Variants in FIG4 observed in about 807,000 individuals in gnomAD.
FIG4 encodes FIG4 phosphoinositide 5-phosphatase, also known as polyphosphoinositide phosphatase.
In FIG4, 112 loss-of-function variants were observed where a neutral mutation model predicts 118.6. The ratio of observed to expected loss-of-function variants is 0.94; its 90% CI spans 0.81 to 1.11. The LOEUF (loss-of-function observed/expected upper bound fraction) is 1.11. Among genes scored for constraint, FIG4 ranks in the 50% least tolerant of loss-of-function variants. The probability of loss-of-function intolerance (pLI) is 0.00; values close to 1 mark genes in which losing one functional copy is unlikely to be tolerated. For synonymous variants in FIG4, 369 were observed against 381.2 expected, an observed-to-expected ratio of 0.97 and a Z score of 0.37; for missense variants, 969 against 1,111.7, an observed-to-expected ratio of 0.87 and a Z score of 1.83.
At chr6:109,738,568 GA>G in intron 7 of FIG4, 115 bp downstream of exon 7, 1 of 968,988 alleles carries the variant, frequency 1.0e-6, no homozygotes, top group Non-Finnish European at 1.6e-6. Context: ...ACCCCAACAG[GA>G]AAACCTGCCC....
intron 16 of FIG4, among the ~76,000 whole-genome samples, chr6:109,781,273 A>C (rs1440542295): frequency 6.6e-6 from 1 of 152,202 alleles, no homozygotes; most frequent in African/African-American, 2.4e-5. Flanking sequence ...AATCTTTTAA[A>C]TATTTGAAGT....
At chr6:109,780,420 C>T (rs1390653485) in intron 16 of FIG4, among the ~76,000 whole-genome samples, 2 of 152,118 alleles carry the variant, frequency 1.3e-5, no homozygotes, top group Non-Finnish European at 2.9e-5. Flanking sequence ...GTCATGTTGC[C>T]CAGGCTGGCC....
intron 10 of FIG4, among the ~76,000 whole-genome samples, chr6:109,753,427 C>A (rs1776776006): frequency 6.6e-6 from 1 of 151,728 alleles, no homozygotes; most frequent in South Asian, 2.1e-4. Flanking sequence ...GTGATGCGGG[C>A]TCTTTTTTGG....
At chr6:109,769,008 A>G (rs776366168) in intron 15 of FIG4, among the ~76,000 whole-genome samples, 42 of 152,020 alleles carry the variant, frequency 2.8e-4, no homozygotes, top group Non-Finnish European at 4.1e-4. Context: ...CTCAGGGTGT[A>G]TATCACCATG....
chr6:109,786,476 A>G, intron 18 of FIG4, 27 bp downstream of exon 18: 1 of 1,611,932 alleles, frequency 6.2e-7, no homozygotes, highest in Non-Finnish European at 8.5e-7. Flanking sequence ...CTGATACCAT[A>G]AGTATTTGAG....
intron 15 of FIG4, among the ~76,000 whole-genome samples, 174 bp from the exon 16 acceptor site, chr6:109,776,748 T>C (rs1777629047): frequency 1.3e-5 from 2 of 152,174 alleles, no homozygotes; most frequent in Admixed American, 1.3e-4. Context: ...GAAGCAAGAT[T>C]TTAATTCTGC....
intron 1 of FIG4, among the ~76,000 whole-genome samples, chr6:109,704,130 C>T (rs1774985200): frequency 6.6e-6 from 1 of 152,234 alleles, no homozygotes; most frequent in East Asian, 1.9e-4. Context: ...CTTCTCCAGT[C>T]ATCTCGACAT....
At chr6:109,698,054 A>C (rs898257099) in intron 1 of FIG4, among the ~76,000 whole-genome samples, 3 of 151,774 alleles carry the variant, frequency 2.0e-5, no homozygotes, top group Non-Finnish European at 2.9e-5. Context: ...ACATCTGGCT[A>C]ATTTTTTGTA....
At chr6:109,808,350 CAAAAAAAA>C (rs55948419) in intron 22 of FIG4, among the ~76,000 whole-genome samples, 21 of 67,048 alleles carry the variant, frequency 3.1e-4, no homozygotes, top group African/African-American at 1.2e-3. Flanking sequence ...ACACTCACAG[CAAAAAAAA>C]AAAAAAAAAA....
At chr6:109,748,642 A>C (rs547282867) in intron 10 of FIG4, among the ~76,000 whole-genome samples, 42 of 152,310 alleles carry the variant, frequency 2.8e-4, no homozygotes, top group African/African-American at 9.1e-4. Context: ...TGATAAAAAC[A>C]TACCTGAGCC....
rs1466520132 is a variant in FIG4, at chr6:109,817,881, G to A, written c.2547-7207G>A. Reference sequence around the variant, plus strand: ...GTTGGCCAGGGTTCAGCTGCAGAAAGCATAATCTGCTCTAGGTAAATTAAA... The same window carrying A: ...GTTGGCCAGGGTTCAGCTGCAGAAAACATAATCTGCTCTAGGTAAATTAAA... On this transcript the variant is annotated intron_variant, in intron 22 of 22. Transcript: ENST00000230124. Among the ~76,000 whole-genome samples, 3 of 152,218 alleles carry A rather than the reference G, an allele frequency of 2.0e-5. No individual in the cohort carries two copies. The East Asian group carries it at 5.8e-4, about 29-fold the overall frequency.
chr6:109,732,561 A>C, intron 4 of FIG4, 76 bp from the exon 5 acceptor site: 1 of 779,598 alleles, frequency 1.3e-6, no homozygotes, highest in Non-Finnish European at 2.2e-6. Context: ...ATATAAATGT[A>C]CATATGGGTA....
At chr6:109,797,955 G>A (rs985472403) in intron 22 of FIG4, among the ~76,000 whole-genome samples, 2 of 151,148 alleles carry the variant, frequency 1.3e-5, no homozygotes, top group African/African-American at 2.4e-5. Context: ...TATATGTGAG[G>A]CATCTAGATC....
intron 10 of FIG4, among the ~76,000 whole-genome samples, chr6:109,750,979 T>TAGAACAGTTCTTAATTAAG (rs1776677331): frequency 6.6e-6 from 1 of 152,244 alleles, no homozygotes; most frequent in African/African-American, 2.4e-5. Flanking sequence ...TAAACTGATT[T>TAGAACAGTTCTTAATTAAG]AACACTGTTC....
Position 109,735,131 on chromosome 6 carries a change from G to A in FIG4, c.498-19G>A. On this transcript the variant is annotated intron_variant, in intron 5 of 22. Coordinates refer to ENST00000230124, the MANE Select transcript of FIG4 (RefSeq NM_014845.6). ...GCTTTGCTTTTGTAATTCTTATTAA[G>A]TTTCAATTCTGTTCTCAGTTACAGC... 1 of 1,608,146 alleles carries A rather than the reference G, an allele frequency of 6.2e-7. No individual in the cohort carries two copies. Among genetic ancestry groups the A allele is most frequent in the Non-Finnish European group, 8.5e-7 (1 of 1,175,170 alleles).
At position 109,778,821 on chromosome 6, in the gene FIG4, G is replaced by C. The variant is rs544091046; in HGVS notation, c.1889+1761G>C. On this transcript the variant is annotated intron_variant, in intron 16 of 22. Coordinates refer to ENST00000230124, the MANE Select transcript of FIG4 (RefSeq NM_014845.6). ...TCACTGTGTTAGCTAGGGTGGTCTT[G>C]ATCTCCTGCCCTTGTGATCTGCCCG... is the stretch of plus-strand genomic sequence containing the variant. Among the ~76,000 whole-genome samples the C allele has an allele frequency of 3.0e-4, 45 of 152,220 alleles. No homozygotes were observed. In the South Asian group the frequency reaches 8.9e-3, roughly 30 times the overall value.
chr6:109,820,337 A>G (rs923463148), intron 22 of FIG4, among the ~76,000 whole-genome samples: 1 of 152,180 alleles, frequency 6.6e-6, no homozygotes, highest in Non-Finnish European at 1.5e-5. Flanking sequence ...TTGTACCTCT[A>G]CTGCTATGTA....
At chr6:109,746,126 CA>C (rs1417110392) in intron 10 of FIG4, among the ~76,000 whole-genome samples, 3 of 152,194 alleles carry the variant, frequency 2.0e-5, no homozygotes, top group African/African-American at 7.2e-5. Flanking sequence ...ACAAACCTGA[CA>C]AAAACAAGCA....
Position 109,825,322 on chromosome 6 carries a change from T to G in FIG4, c.*57T>G. The G allele has an allele frequency of 6.6e-7, 1 of 1,518,716 alleles. No individual in the cohort carries two copies. The highest frequency in any genetic ancestry group is 1.7e-5 in the Admixed American group (1 of 59,468). The allele number at this position is 1,518,716 out of a possible 1,614,324, so 94.1% of individuals were successfully genotyped here. A position where few individuals can be genotyped will look rare whatever the true frequency, so the allele number is the denominator to read the frequency against. On this transcript the variant is annotated 3_prime_UTR_variant, in exon 23 of 23. Coordinates refer to ENST00000230124, the MANE Select transcript of FIG4 (RefSeq NM_014845.6). ...TGATTAGCTTAGAACCTGTCTTGTC[T>G]CATCTTCAAAAGGTAACTTATTAAA...
Sources: allele counts gnomAD v4.1 joint callset (sites outside exome capture counted in the v4.1 genomes callset), GRCh38; gene constraint gnomAD v4.1.1; transcripts MANE v1.5; gene names NCBI Gene and HGNC (gene_info 2026-07-23, HGNC 2026-07-21).